The following ATG13 variants were observed in gnomAD, a reference collection of about 807,000 sequenced individuals.
The protein encoded by ATG13 is autophagy-related protein 13.
In ATG13, 23 loss-of-function variants were observed where a neutral mutation model predicts 65.5. That is an observed-to-expected ratio of 0.35 (90% CI 0.25 to 0.50). The LOEUF is 0.50. Ranked by LOEUF, ATG13 falls within the 20% of genes least tolerant of loss-of-function variation. The pLI is 0.98. For missense variants in ATG13, 566 were observed against 677.0 expected, an observed-to-expected ratio of 0.84 and a Z score of 1.82; for synonymous variants, 252 against 245.2, an observed-to-expected ratio of 1.03 and a Z score of -0.26.
chr11:46,665,965 T>C (rs558520842), intron 14 of ATG13, among the ~76,000 whole-genome samples: 1 of 151,860 alleles, frequency 6.6e-6, no homozygotes, highest in Non-Finnish European at 1.5e-5. Context: ...CCACCACACC[T>C]GGCTAATTTT....
In ATG13 at chr11:46,635,454, C is replaced by A. The variant is rs376702953; in HGVS notation, c.-14+5354C>A. 1.3e-3 allele frequency among the ~76,000 whole-genome samples: 192 copies of A among 152,156 alleles called. 2 individuals are homozygous for A. In the South Asian group the frequency reaches 0.038, roughly 30 times the overall value. ...TCCAGGAGTTCAATACCAACCTGGC[C>A]AACATAGAGAGACCCCCATCTCTTT... is the stretch of plus-strand genomic sequence containing the variant. On this transcript the variant is annotated intron_variant, in intron 2 of 18. Coordinates refer to ENST00000683050, the MANE Select transcript of ATG13 (RefSeq NM_001346311.2).
intron 2 of ATG13, among the ~76,000 whole-genome samples, chr11:46,641,124 G>A (rs2055844422): frequency 6.6e-6 from 1 of 152,240 alleles, no homozygotes; most frequent in Admixed American, 6.5e-5. Flanking sequence ...CCAGGCTGGA[G>A]TGCAGTGGTG....
chr11:46,664,881 T>C lies in ATG13; in HGVS notation c.921T>C (p.Ala307=). Residue 307 remains alanine, a synonymous_variant, in exon 13 of 19, where the codon GCT becomes GCC. Coordinates refer to ENST00000683050, the MANE Select transcript of ATG13 (RefSeq NM_001346311.2). ...GCTCTCGCCTTTCCTATCAGCCTGC[T>C]GCCCTGGGCGTTGGATCAGCTGACC... ...LSSSRLSYQP[A]ALGVGSADLA... is the part of the protein sequence containing the mutation. The C allele has an allele frequency of 6.2e-7, 1 of 1,614,036 alleles. No homozygotes were observed. Among genetic ancestry groups the C allele is most frequent in the Non-Finnish European group, 8.5e-7 (1 of 1,179,876 alleles).
chr11:46,631,192 G>T (rs61884270), intron 2 of ATG13, among the ~76,000 whole-genome samples: 9,202 of 152,180 alleles, frequency 0.06, 362 homozygotes, highest in Non-Finnish European at 0.09. Context: ...ATGTATGTAT[G>T]TAAGTGTAAA....
intron 7 of ATG13, among the ~76,000 whole-genome samples, chr11:46,654,309 A>ATATATATATATG (rs1565550648): frequency 7.0e-6 from 1 of 143,824 alleles, no homozygotes; most frequent in African/African-American, 2.6e-5. Flanking sequence ...ATATATATAT[A>ATATATATATATG]TGTAAAAGAG....
At chr11:46,621,814 C>T in intron 1 of ATG13, among the ~76,000 whole-genome samples, 1 of 152,016 alleles carries the variant, frequency 6.6e-6, no homozygotes, top group East Asian at 1.9e-4. Context: ...TTCTTACTCT[C>T]ATGTGTTTGT....
chr11:46,669,335 A>G lies in ATG13; in HGVS notation c.1447-69A>G, dbSNP rs913217392. 5.1e-6 allele frequency: 8 copies of G among 1,564,216 alleles called. No homozygotes were observed. In the African/African-American group the frequency reaches 1.1e-4, roughly 21 times the overall value. ...ACCTTTTGATAATTGCTAGAAGGAA[A>G]GACTTGTTCATAGCTTATCTCCTCT... On this transcript the variant is annotated intron_variant, in intron 17 of 18. Transcript: ENST00000683050.
chr11:46,636,061 G>A (rs761387705), intron 2 of ATG13, among the ~76,000 whole-genome samples: 2 of 151,940 alleles, frequency 1.3e-5, no homozygotes, highest in Non-Finnish European at 2.9e-5. Context: ...GTGGGTATAT[G>A]TTTCAAATGC....
rs564125724 is a variant in ATG13 at position 46,643,456 on chromosome 11, TATACTCA to T, written c.-13-820_-13-814del. Among the ~76,000 whole-genome samples the T allele has an allele frequency of 1.3e-3, 194 of 152,290 alleles. 4 individuals are homozygous for T. The South Asian group carries it at 0.039, about 31-fold the overall frequency. ...AGGACGTCCATTAACATTTTCCAAC[TATACTCA>T]ATCCTTTGGAAAACTGGAGAAAACT... On this transcript the variant is annotated intron_variant, in intron 2 of 18. Coordinates refer to ENST00000683050, the MANE Select transcript of ATG13 (RefSeq NM_001346311.2).
intron 7 of ATG13, among the ~76,000 whole-genome samples, chr11:46,652,720 T>C (rs75952534): frequency 0.017 from 2,571 of 152,110 alleles, 27 homozygotes; most frequent in Non-Finnish European, 0.026. Context: ...CTCAAAAAAA[T>C]ACACATTGCC....
intron 15 of ATG13, 99 bp downstream of exon 15, chr11:46,667,986 C>T: frequency 2.2e-6 from 2 of 923,922 alleles, no homozygotes; most frequent in East Asian, 2.6e-5. Flanking sequence ...ATATATGAAA[C>T]TACTGAACTG....
chr11:46,664,456 C>A (rs1176398350), intron 12 of ATG13, among the ~76,000 whole-genome samples: 1 of 152,128 alleles, frequency 6.6e-6, no homozygotes, highest in African/African-American at 2.4e-5. Flanking sequence ...TCAAAGGGGC[C>A]TCAGGACAAA....
chr11:46,634,296 C>A (rs2053112087), intron 2 of ATG13, among the ~76,000 whole-genome samples: 2 of 151,870 alleles, frequency 1.3e-5, no homozygotes, highest in East Asian at 3.9e-4. Flanking sequence ...GACGGGGTTT[C>A]ACCATGTTGG....
Position 46,666,223 on chromosome 11 carries a change from C to T in ATG13, c.1136+704C>T, listed in dbSNP as rs573769120. Among the ~76,000 whole-genome samples the T allele has an allele frequency of 1.3e-4, 20 of 152,320 alleles. No homozygotes were observed. The South Asian group carries it at 2.1e-3, about 16-fold the overall frequency. On this transcript the variant is annotated intron_variant, in intron 14 of 18. Transcript: ENST00000683050. The stretch of plus-strand genomic sequence containing the variant: ...AGCTGGCGTGGAACTTCAGTACCAA[C>T]GGGAAACAGCAGGAGCTCGGTTCTT...
chr11:46,636,314 T>G (rs1185939671), intron 2 of ATG13, among the ~76,000 whole-genome samples: 1 of 152,012 alleles, frequency 6.6e-6, no homozygotes, highest in East Asian at 1.9e-4. Flanking sequence ...TCCCAGCACT[T>G]TGGGAGGCAG....
At chr11:46,619,519 G>A (rs2046646959) in intron 1 of ATG13, among the ~76,000 whole-genome samples, 1 of 150,912 alleles carries the variant, frequency 6.6e-6, no homozygotes, top group African/African-American at 2.4e-5. Context: ...TGAGTAGCTG[G>A]GATTACAGAC....
At position 46,655,923 on chromosome 11, in the gene ATG13, A is replaced by G. The variant is rs2059956605; in HGVS notation, c.459-310A>G. Among the ~76,000 whole-genome samples, 3 of 152,062 alleles carry G rather than the reference A, an allele frequency of 2.0e-5. No individual in the cohort carries two copies. In the South Asian group the frequency reaches 6.2e-4, roughly 31 times the overall value. ...CGGCAAAATTATTTTTTGTCAATGC[A>G]GGGTCTTGCTGTGTTGCCCAGACTG... On this transcript the variant is annotated intron_variant, in intron 7 of 18. Transcript: ENST00000683050.
At chr11:46,647,288 T>G (rs532849130) in intron 5 of ATG13, among the ~76,000 whole-genome samples, 2,794 of 145,640 alleles carry the variant, frequency 0.019, 31 homozygotes, top group Admixed American at 0.031. Flanking sequence ...TTGTTTTTTT[T>G]TTTTGTTTTT....
intron 7 of ATG13, among the ~76,000 whole-genome samples, chr11:46,654,906 C>T (rs575052271): frequency 6.6e-6 from 1 of 151,186 alleles, no homozygotes; most frequent in African/African-American, 2.4e-5. Context: ...CAAGACCAGC[C>T]TGGGCAATGT....
Sources: allele counts gnomAD v4.1 joint callset (sites outside exome capture counted in the v4.1 genomes callset), GRCh38; gene constraint gnomAD v4.1.1; transcripts MANE v1.5; gene names NCBI Gene and HGNC (gene_info 2026-07-23, HGNC 2026-07-21).